DPY30: variants seen among roughly 807,000 people sequenced by gnomAD.
DPY30 encodes protein dpy-30 homolog.
In DPY30, 6 loss-of-function variants were observed where a neutral mutation model predicts 16.2. The observed-to-expected ratio is 0.37, with a 90% CI of 0.20 to 0.73. The LOEUF is 0.73. Among genes scored for constraint, DPY30 ranks in the 30% least tolerant of loss-of-function variants. The probability of loss-of-function intolerance (pLI) is 0.51; values close to 1 mark genes in which losing one functional copy is unlikely to be tolerated. For synonymous variants in DPY30, 39 were observed against 38.8 expected (o/e 1.00, Z -0.02); for missense variants, 73 against 113.1 (o/e 0.65, Z 1.61).
rs374235209 is a variant in DPY30, at chr2:32,033,658, C to G, written c.85-3922G>C. Among the ~76,000 whole-genome samples, 9 of 152,240 alleles carry G rather than the reference C, an allele frequency of 5.9e-5. No homozygotes were observed. The South Asian group carries it at 1.9e-3, about 31-fold the overall frequency. On this transcript the variant is annotated intron_variant, in intron 3 of 4. Coordinates refer to ENST00000342166, the MANE Select transcript of DPY30 (RefSeq NM_001321209.2). The stretch of plus-strand genomic sequence containing the variant: ...CAGCACTCCAGCCCAGCAACAAGAG[C>G]AAAACTCCGTCTCAAAACAAACAAA...
intron 3 of DPY30, among the ~76,000 whole-genome samples, chr2:32,036,243 G>A (rs2148669982): frequency 6.6e-6 from 1 of 152,034 alleles, no homozygotes; most frequent in African/African-American, 2.4e-5. Flanking sequence ...CTCCCAACGG[G>A]CTGGGATTAC....
chr2:32,014,510 G>C (rs1405875099), intron 5 of DPY30, among the ~76,000 whole-genome samples: 20 of 149,456 alleles, frequency 1.3e-4, no homozygotes, highest in Non-Finnish European at 2.5e-4. Flanking sequence ...TTGAGACGGA[G>C]TCTCGCTCTG....
chr2:32,019,848 A>AT, downstream of DPY30, among the ~76,000 whole-genome samples: 1 of 145,662 alleles, frequency 6.9e-6, no homozygotes, highest in African/African-American at 2.5e-5. Context: ...ATATATATAT[A>AT]TATATATACA....
intron 4 of DPY30, among the ~76,000 whole-genome samples, chr2:32,027,422 C>T (rs1390733868): frequency 6.6e-6 from 1 of 150,852 alleles, no homozygotes; most frequent in Non-Finnish European, 1.5e-5. Flanking sequence ...CCCAGCTACT[C>T]AGGAGGCTGA....
At chr2:32,021,602 C>T (rs1675182261), downstream of DPY30, among the ~76,000 whole-genome samples, 1 of 151,068 alleles carries the variant, frequency 6.6e-6, no homozygotes, top group Admixed American at 6.6e-5. Flanking sequence ...TCGCTTGAAC[C>T]CAGGAGGCGG....
At chr2:32,028,716 A>G (rs977956386) in intron 4 of DPY30, among the ~76,000 whole-genome samples, 1 of 152,188 alleles carries the variant, frequency 6.6e-6, no homozygotes, top group African/African-American at 2.4e-5. Flanking sequence ...TCTTGAACTC[A>G]TGAGGTGGAG....
At chr2:32,034,480 G>A (rs538455516) in intron 3 of DPY30, among the ~76,000 whole-genome samples, 9 of 152,254 alleles carry the variant, frequency 5.9e-5, no homozygotes, top group South Asian at 2.1e-4. Context: ...AACTAATAGA[G>A]TAAGAACTGA....
At chr2:32,017,497 A>C (rs922370695) in intron 5 of DPY30, among the ~76,000 whole-genome samples, 2 of 151,868 alleles carry the variant, frequency 1.3e-5, no homozygotes, top group African/African-American at 4.8e-5. Flanking sequence ...GGCATCTATA[A>C]TCCCAGCTAC....
In DPY30 at chr2:32,039,763, C is replaced by T. The variant is rs1209521761; in HGVS notation, c.-67G>A. 2.1e-6 allele frequency: 1 copy of T among 470,628 alleles called. No individual in the cohort carries two copies. Among genetic ancestry groups the T allele is most frequent in the African/African-American group, 1.9e-5 (1 of 51,732 alleles). The allele number at this position is 470,628 out of a possible 1,614,324, so 29.2% of individuals were successfully genotyped here. A position where few individuals can be genotyped will look rare whatever the true frequency, so the allele number is the denominator to read the frequency against. On this transcript the variant is annotated 5_prime_UTR_variant, in exon 1 of 5. Coordinates refer to ENST00000342166, the MANE Select transcript of DPY30 (RefSeq NM_001321209.2). ...CCCAAGCCGTTCGTTCTTAAGAGCC[C>T]TGCACCGCGCCACCAGCTCCCAGCA...
At chr2:32,023,682 A>ATACTT (rs1297600484), downstream of DPY30, 20 of 1,254,000 alleles carry the variant, frequency 1.6e-5, no homozygotes, top group Admixed American at 4.1e-4. Flanking sequence ...ATCACCTGTG[A>ATACTT]TACTTGTTAA....
intron 5 of DPY30, among the ~76,000 whole-genome samples, chr2:32,015,173 T>C (rs1414621239): frequency 1.3e-5 from 2 of 152,168 alleles, no homozygotes; most frequent in Non-Finnish European, 2.9e-5. Context: ...ATTCTACTTA[T>C]CCACAACTAA....
intron 5 of DPY30, among the ~76,000 whole-genome samples, chr2:32,016,527 C>T (rs1281997509): frequency 6.6e-6 from 1 of 152,212 alleles, no homozygotes; most frequent in East Asian, 1.9e-4. Flanking sequence ...ATCTTAAAAT[C>T]CCACTGTACC....
intron 4 of DPY30, among the ~76,000 whole-genome samples, chr2:32,026,343 G>T (rs991521012): frequency 6.6e-6 from 1 of 152,216 alleles, no homozygotes; most frequent in African/African-American, 2.4e-5. Context: ...CCAGAAGGCT[G>T]AAGCTGCGGT....
intron 3 of DPY30, among the ~76,000 whole-genome samples, chr2:32,038,702 T>C (rs559303549): frequency 5.5e-5 from 8 of 145,160 alleles, no homozygotes; most frequent in South Asian, 2.2e-4. Flanking sequence ...CAGGCTGTAG[T>C]GCAGTGGCGC....
At chr2:32,036,496 C>G (rs952343108) in intron 3 of DPY30, among the ~76,000 whole-genome samples, 6 of 152,040 alleles carry the variant, frequency 3.9e-5, no homozygotes, top group Non-Finnish European at 5.9e-5. Flanking sequence ...ACGGTGAAAC[C>G]CCGTCTCTAC....
chr2:32,015,241 T>G (rs1335864138), intron 5 of DPY30, among the ~76,000 whole-genome samples: 28 of 152,162 alleles, frequency 1.8e-4, no homozygotes, highest in Non-Finnish European at 1.5e-5. Flanking sequence ...TATTTTACAA[T>G]AGTAACACAG....
At chr2:32,023,603 T>C (rs1675231475), downstream of DPY30, 1 of 682,656 alleles carries the variant, frequency 1.5e-6, no homozygotes, top group African/African-American at 1.9e-5. Flanking sequence ...TAAATGTTGA[T>C]AACATTAGAA....
downstream of DPY30, among the ~76,000 whole-genome samples, chr2:32,023,029 C>T (rs1028405436): frequency 2.6e-5 from 4 of 151,848 alleles, no homozygotes; most frequent in African/African-American, 9.7e-5. Context: ...CCAGTAGAAC[C>T]CCACCTAGCT....
intron 5 of DPY30, among the ~76,000 whole-genome samples, chr2:32,013,832 A>G (rs1480067947): frequency 2.0e-5 from 3 of 152,016 alleles, no homozygotes; most frequent in Non-Finnish European, 2.9e-5. Flanking sequence ...AAAGGGCAAA[A>G]CCCCATCTCC....
Sources: allele counts gnomAD v4.1 joint callset (sites outside exome capture counted in the v4.1 genomes callset), GRCh38; gene constraint gnomAD v4.1.1; transcripts MANE v1.5; gene names NCBI Gene and HGNC (gene_info 2026-07-23, HGNC 2026-07-21).